Variants in RALGAPA1 observed in about 807,000 individuals in gnomAD.
The protein encoded by RALGAPA1 is Ral GTPase activating protein catalytic subunit alpha 1, also known as ral GTPase-activating protein subunit alpha-1.
Under a neutral mutation model 269.6 loss-of-function variants are expected in RALGAPA1, and 52 were observed. That is an observed-to-expected ratio of 0.19 (90% CI 0.15 to 0.24). The LOEUF (loss-of-function observed/expected upper bound fraction) is 0.24, where lower values mean the gene tolerates loss of function less well. Ranked by LOEUF, RALGAPA1 falls within the 10% of genes least tolerant of loss-of-function variation. The pLI is 1.00. For missense variants in RALGAPA1, 1,917 were observed against 3,013.9 expected (o/e 0.64, Z 8.52); for synonymous variants, 817 against 1,008.3 (o/e 0.81, Z 3.60).
chr14:35,659,287 T>G (rs188370574), intron 27 of RALGAPA1, 91 bp from the exon 28 acceptor site: 1 of 873,840 alleles, frequency 1.1e-6, no homozygotes, highest in East Asian at 2.7e-5. Context: ...AAAGCAGTCT[T>G]TGTTCTCATG....
At chr14:35,776,605 A>G (rs2075047899) in intron 1 of RALGAPA1, among the ~76,000 whole-genome samples, 1 of 152,218 alleles carries the variant, frequency 6.6e-6, no homozygotes. Flanking sequence ...ATGTCAAAGT[A>G]TATGGCAGTT....
At chr14:35,743,228 C>A (rs1040616863) in intron 10 of RALGAPA1, among the ~76,000 whole-genome samples, 1 of 151,812 alleles carries the variant, frequency 6.6e-6, no homozygotes, top group Non-Finnish European at 1.5e-5. Flanking sequence ...ATCTGCTGTA[C>A]ATTTATTTAT....
chr14:35,630,981 A>G (rs988689992), intron 33 of RALGAPA1, among the ~76,000 whole-genome samples: 1 of 152,220 alleles, frequency 6.6e-6, no homozygotes, highest in African/African-American at 2.4e-5. Context: ...CTAGATTAAT[A>G]ACACTAAATG....
chr14:35,711,834 T>C (rs964156126), intron 16 of RALGAPA1, among the ~76,000 whole-genome samples: 5 of 152,204 alleles, frequency 3.3e-5, no homozygotes, highest in Admixed American at 6.5e-5. Context: ...TTAAAAGGAT[T>C]CCCAATTCCT....
intron 4 of RALGAPA1, chr14:35,767,101 T>C: frequency 3.5e-6 from 1 of 288,346 alleles, no homozygotes; most frequent in Non-Finnish European, 6.7e-6. Flanking sequence ...TCTCTGTCTC[T>C]CTAACACAGT....
In RALGAPA1 at chr14:35,757,100, AT is replaced by A. The variant is rs1289027089; in HGVS notation, c.548-193del. 4.7e-3 allele frequency among the ~76,000 whole-genome samples: 673 copies of A among 144,464 alleles called. 5 individuals are homozygous for A. Among genetic ancestry groups the A allele is most frequent in the African/African-American group, 0.016 (600 of 37,706 alleles). 94.8% of individuals were successfully genotyped at this position (144,464 alleles called of 152,430 possible). ...TCACAAAAATAAATTTTATTTATTT[AT>A]TTATTATTATTATTATTATTTTTTT... On this transcript the variant is annotated intron_variant, in intron 6 of 41. Coordinates refer to ENST00000680220, the MANE Select transcript of RALGAPA1 (RefSeq NM_001346249.2).
At chr14:35,714,136 G>A (rs1172371705) in intron 16 of RALGAPA1, among the ~76,000 whole-genome samples, 1 of 151,696 alleles carries the variant, frequency 6.6e-6, no homozygotes, top group Non-Finnish European at 1.5e-5. Flanking sequence ...CACTCTTCAA[G>A]TCTCTTGGAT....
chr14:35,578,198 C>CAATA (rs2057705290), intron 37 of RALGAPA1, among the ~76,000 whole-genome samples: 1 of 152,074 alleles, frequency 6.6e-6, no homozygotes. Context: ...AATAACCATA[C>CAATA]AATAAATAAA....
In RALGAPA1 at chr14:35,689,302, A is replaced by C; in HGVS notation, c.3109T>G (p.Ser1037Ala). Residue 1037 changes from serine (S) to alanine (A), a missense_variant, in exon 18 of 42, where the codon TCT becomes GCT. This residue lies in a region of RALGAPA1 where 615 missense variants were observed against 790.0 expected (regional missense o/e 0.78). Transcript: ENST00000680220. ...TGTTTATCAGTGTTTAGTTGCTTAG[A>C]TTTTTCAGAAGTTTGTGTTCTAAAA... is the stretch of plus-strand genomic sequence containing the variant. ...SFFRTQTSEK[S>A]KQLNTDKQPS... 8.1e-7 allele frequency: 1 copy of C among 1,232,014 alleles called. No individual in the cohort carries two copies. The highest frequency in any genetic ancestry group is 1.0e-6 in the Non-Finnish European group (1 of 988,022). The allele number at this position is 1,232,014 out of a possible 1,614,324, so 76.3% of individuals were successfully genotyped here.
intron 41 of RALGAPA1, chr14:35,542,106 T>A (rs1192540983): frequency 1.3e-6 from 1 of 793,040 alleles, no homozygotes; most frequent in East Asian, 6.3e-5. Context: ...TATCTACCTT[T>A]TAAAGTGTTC....
intron 20 of RALGAPA1, 87 bp from the exon 21 acceptor site, chr14:35,684,072 T>C: frequency 1.0e-6 from 1 of 988,116 alleles, no homozygotes; most frequent in African/African-American, 1.7e-5. Flanking sequence ...TGATCAAACA[T>C]AAACATTCCC....
At chr14:35,754,982 C>A (rs932151655) in intron 7 of RALGAPA1, among the ~76,000 whole-genome samples, 7 of 152,092 alleles carry the variant, frequency 4.6e-5, no homozygotes, top group African/African-American at 1.4e-4. Context: ...ACAAACTATT[C>A]TATAATGACA....
At chr14:35,623,648 A>G (rs2060793400) in intron 35 of RALGAPA1, among the ~76,000 whole-genome samples, 1 of 152,240 alleles carries the variant, frequency 6.6e-6, no homozygotes, top group South Asian at 2.1e-4. Context: ...ACTTAATAGA[A>G]GCAATTTCCC....
chr14:35,738,439 A>G, intron 12 of RALGAPA1, 74 bp downstream of exon 12: 1 of 1,127,436 alleles, frequency 8.9e-7, no homozygotes, highest in Middle Eastern at 3.1e-4. Flanking sequence ...TGAAAAGTAT[A>G]CTGTATACTG....
At chr14:35,674,328 T>C in intron 23 of RALGAPA1, 50 bp from the exon 24 acceptor site, 1 of 1,452,638 alleles carries the variant, frequency 6.9e-7, no homozygotes, top group Non-Finnish European at 9.5e-7. Flanking sequence ...TGTTATCTCT[T>C]CCAGTTTACC....
intron 31 of RALGAPA1, among the ~76,000 whole-genome samples, chr14:35,648,267 AG>A (rs1213794860): frequency 6.6e-6 from 1 of 151,958 alleles, no homozygotes; most frequent in African/African-American, 2.4e-5. Context: ...ACTACATGCC[AG>A]CCTGGGCAAT....
In RALGAPA1 at chr14:35,688,742, T is replaced by C; in HGVS notation, c.3669A>G (p.Val1223=). 6.8e-7 allele frequency: 1 copy of C among 1,464,518 alleles called. No individual in the cohort carries two copies. Among genetic ancestry groups the C allele is most frequent in the Non-Finnish European group, 9.0e-7 (1 of 1,114,928 alleles). The allele number at this position is 1,464,518 out of a possible 1,614,324, so 90.7% of individuals were successfully genotyped here. A position where few individuals can be genotyped will look rare whatever the true frequency, so the allele number is the denominator to read the frequency against. ...RPLDTLGTAS[V]SSKTVKESTE... ...TGGATTCCTTCACTGTTTTGCTGCT[T>C]ACTGATGCAGTACCAAGTGTATCTA... Residue 1223 remains valine (V), a synonymous_variant, in exon 18 of 42, where the codon GTA becomes GTG. Coordinates refer to ENST00000680220, the MANE Select transcript of RALGAPA1 (RefSeq NM_001346249.2).
Position 35,659,117 on chromosome 14 carries a change from GTC to G in RALGAPA1, c.5387+19_5387+20del. On this transcript the variant is annotated intron_variant, in intron 28 of 41. Coordinates refer to ENST00000680220, the MANE Select transcript of RALGAPA1 (RefSeq NM_001346249.2). Reference sequence around the variant, plus strand: ...TCCAAACACAAAATAGTTATACTCAGTCTAAGAATATCCGACCTACCGTGCAG... The same window carrying G: ...TCCAAACACAAAATAGTTATACTCAGTAAGAATATCCGACCTACCGTGCAG... 6.3e-7 allele frequency: 1 copy of G among 1,577,080 alleles called. No homozygotes were observed. The highest frequency in any genetic ancestry group is 2.3e-5 in the East Asian group (1 of 44,078).
At position 35,635,519 on chromosome 14, in the gene RALGAPA1, G is replaced by A; in HGVS notation, c.5756C>T (p.Ala1919Val). The A allele has an allele frequency of 6.2e-7, 1 of 1,608,984 alleles. No homozygotes were observed. The highest frequency in any genetic ancestry group is 8.5e-7 in the Non-Finnish European group (1 of 1,177,834). ...TGTTTTATCGCTTTCTGCTCCCGTA[G>A]CATGAAATGGTTGGAGCAGTGTCTT... Reference protein sequence around the residue: ...PLKTLLQPFHATGAESDKTEK... With the variant: ...PLKTLLQPFHVTGAESDKTEK... The change falls in exon 32 of 42, where the codon GCT (alanine) becomes GTT (valine). Residue 1919 changes from alanine (A) to valine (V), a missense_variant. This residue lies in a region of RALGAPA1 where 346 missense variants were observed against 566.1 expected (regional missense o/e 0.61). Transcript: ENST00000680220.
Sources: gnomAD v4.1 joint callset for allele counts (sites outside exome capture counted in the v4.1 genomes callset) on GRCh38, gnomAD v4.1.1 for gene constraint, gnomAD v4.1.1 regional missense constraint, MANE v1.5 for transcripts, NCBI Gene and HGNC (gene_info 2026-07-23, HGNC 2026-07-21) for gene names.